The following RBFOX1 variants were observed in gnomAD, a reference collection of about 807,000 sequenced individuals.
RBFOX1 encodes RNA binding fox-1 homolog 1.
RBFOX1 carries 8 observed loss-of-function variants against 57.7 expected under a neutral mutation model. That is an observed-to-expected ratio of 0.14 (90% CI 0.08 to 0.25). The LOEUF is 0.25. Among genes scored for constraint, RBFOX1 ranks in the 10% least tolerant of loss-of-function variants. The pLI is 1.00. For missense variants in RBFOX1, 611 were observed against 548.5 expected (o/e 1.11, Z -1.14); for synonymous variants, 326 against 222.4 (o/e 1.47, Z -4.15).
intron 3 of RBFOX1, among the ~76,000 whole-genome samples, chr16:5,817,490 C>T (rs1174944233): frequency 1.3e-5 from 2 of 151,960 alleles, no homozygotes; most frequent in African/African-American, 2.4e-5. Flanking sequence ...AATGGATGAA[C>T]AAGTGAGTGA....
At chr16:5,345,382 C>A (rs549187596) in intron 1 of RBFOX1, among the ~76,000 whole-genome samples, 10 of 152,284 alleles carry the variant, frequency 6.6e-5, no homozygotes, top group Admixed American at 1.3e-4. Context: ...ACACAAAGCA[C>A]CCCATTCAAA....
chr16:6,745,351 C>A (rs568755473), intron 3 of RBFOX1, among the ~76,000 whole-genome samples: 12 of 151,644 alleles, frequency 7.9e-5, no homozygotes, highest in Admixed American at 3.9e-4. Flanking sequence ...CAAGAAAAAA[C>A]CCCCGAAACC....
intron 3 of RBFOX1, chr16:6,705,377 G>C (rs1350513701): frequency 1.3e-5 from 2 of 152,200 alleles, no homozygotes; most frequent in Non-Finnish European, 2.9e-5. Context: ...ATCATGTTTA[G>C]CTTAATTGGG....
rs547230024 is a variant in RBFOX1 at position 7,579,704 on chromosome 16, G to A, written c.271-73G>A. ...TTCTGATCTTTTCCTGCCACTCATG[G>A]CAAGCAAAAGAGCATCGGAAGAGAG... On this transcript the variant is annotated intron_variant, in intron 5 of 15. Transcript: ENST00000550418. 1.5e-4 allele frequency: 235 copies of A among 1,578,428 alleles called. 2 individuals carry two copies. The African/African-American group carries it at 2.8e-3, about 19-fold the overall frequency.
At chr16:7,451,637 A>G (rs1403732913) in intron 4 of RBFOX1, among the ~76,000 whole-genome samples, 1 of 152,170 alleles carries the variant, frequency 6.6e-6, no homozygotes, top group Non-Finnish European at 1.5e-5. Flanking sequence ...TAACATTTTG[A>G]AATTAAACCT....
chr16:7,206,833 A>C (rs111918120), intron 4 of RBFOX1, among the ~76,000 whole-genome samples: 1 of 152,126 alleles, frequency 6.6e-6, no homozygotes, highest in Non-Finnish European at 1.5e-5. Flanking sequence ...ATTTATAAAC[A>C]ATCAATTCTC....
rs368169068 is a variant in RBFOX1, at chr16:7,632,485, G to C, written c.757+1802G>C. Among the ~76,000 whole-genome samples the C allele has an allele frequency of 2.9e-4, 44 of 152,294 alleles. No homozygotes were observed. The South Asian group carries it at 7.7e-3, about 27-fold the overall frequency. ...ATCACAATGTTTGCTTTACAACTGA[G>C]GAAATGGAGGGCAATCCCAGAGCCA... is the stretch of plus-strand genomic sequence containing the variant. On this transcript the variant is annotated intron_variant, in intron 11 of 15. Coordinates refer to ENST00000550418, the MANE Select transcript of RBFOX1 (RefSeq NM_018723.4).
chr16:5,770,188 G>A (rs2053929907), intron 3 of RBFOX1, among the ~76,000 whole-genome samples: 1 of 152,164 alleles, frequency 6.6e-6, no homozygotes, highest in Non-Finnish European at 1.5e-5. Context: ...ACCTGAGGTA[G>A]GACATCAACA....
intron 4 of RBFOX1, among the ~76,000 whole-genome samples, chr16:5,877,915 C>G (rs1176962497): frequency 6.6e-6 from 1 of 152,204 alleles, no homozygotes; most frequent in African/African-American, 2.4e-5. Context: ...AAAGCTGCTT[C>G]TGCCCCATCT....
At chr16:6,478,131 G>A (rs1177448712) in intron 2 of RBFOX1, among the ~76,000 whole-genome samples, 1 of 151,822 alleles carries the variant, frequency 6.6e-6, no homozygotes, top group African/African-American at 2.4e-5. Flanking sequence ...GTGTGTTCAA[G>A]GGAGTAGCAC....
chr16:5,928,592 T>A (rs1221569867), intron 4 of RBFOX1, among the ~76,000 whole-genome samples: 1 of 151,888 alleles, frequency 6.6e-6, no homozygotes, highest in Non-Finnish European at 1.5e-5. Flanking sequence ...TATATGTTCC[T>A]CCTGCCACCA....
rs145312019 is a variant in RBFOX1, at chr16:6,864,267, C to T, written c.-15-187790C>T. Among the ~76,000 whole-genome samples the T allele has an allele frequency of 1.9e-3, 289 of 152,218 alleles. 1 individual carries two copies. The highest frequency in any genetic ancestry group is 2.6e-3 in the Non-Finnish European group (180 of 68,006). ...AGCATAACTCTTCCACATTTAGACA[C>T]GTTCAAAAATAAGAAATTAGAGAAC... On this transcript the variant is annotated intron_variant, in intron 3 of 15. Transcript: ENST00000550418.
intron 4 of RBFOX1, among the ~76,000 whole-genome samples, chr16:7,429,458 A>G (rs578031322): frequency 1.3e-5 from 2 of 152,348 alleles, no homozygotes; most frequent in South Asian, 2.1e-4. Flanking sequence ...CTCTGCCAGC[A>G]CACTGTACTT....
At chr16:6,036,469 T>G (rs1383548815) in intron 1 of RBFOX1, among the ~76,000 whole-genome samples, 1 of 152,208 alleles carries the variant, frequency 6.6e-6, no homozygotes, top group Non-Finnish European at 1.5e-5. Context: ...ACTTGGTAAT[T>G]TGGTTTAGTA....
intron 4 of RBFOX1, among the ~76,000 whole-genome samples, chr16:7,448,659 G>C (rs1373819355): frequency 6.6e-6 from 1 of 152,160 alleles, no homozygotes; most frequent in Non-Finnish European, 1.5e-5. Flanking sequence ...CAAAGGATTT[G>C]TTCTTTGTTT....
At chr16:5,359,364 A>C (rs1353697257) in intron 1 of RBFOX1, among the ~76,000 whole-genome samples, 1 of 152,122 alleles carries the variant, frequency 6.6e-6, no homozygotes, top group Non-Finnish European at 1.5e-5. Flanking sequence ...TGGTAGCTCC[A>C]CTTTTAGTTT....
intron 5 of RBFOX1, among the ~76,000 whole-genome samples, chr16:7,520,431 C>G (rs915064428): frequency 6.6e-6 from 1 of 152,174 alleles, no homozygotes; most frequent in East Asian, 1.9e-4. Context: ...TCCCCATTCT[C>G]CCTCTCCCCG....
intron 1 of RBFOX1, among the ~76,000 whole-genome samples, chr16:6,086,216 C>G (rs534945725): frequency 1.4e-4 from 21 of 152,232 alleles, no homozygotes; most frequent in African/African-American, 5.1e-4. Flanking sequence ...TAGTAATAGA[C>G]AAGCACATGC....
At chr16:6,969,059 G>C (rs143679550) in intron 3 of RBFOX1, among the ~76,000 whole-genome samples, 109 of 152,138 alleles carry the variant, frequency 7.2e-4, no homozygotes, top group Middle Eastern at 3.4e-3. Context: ...GTTCCCATCC[G>C]AGAGGTGTCA....
Sources: gnomAD v4.1 joint callset for allele counts (sites outside exome capture counted in the v4.1 genomes callset) on GRCh38, gnomAD v4.1.1 for gene constraint, MANE v1.5 for transcripts, NCBI Gene and HGNC (gene_info 2026-07-23, HGNC 2026-07-21) for gene names.